NTPCR: variants seen among roughly 807,000 people sequenced by gnomAD.
NTPCR encodes the protein cancer-related nucleoside-triphosphatase.
Under a neutral mutation model 19.5 loss-of-function variants are expected in NTPCR, and 15 were observed. The observed-to-expected ratio is 0.77, with a 90% CI of 0.51 to 1.18. The LOEUF (loss-of-function observed/expected upper bound fraction) is 1.18, where lower values mean the gene tolerates loss of function less well. Ranked by LOEUF, NTPCR falls within the 50% of genes most tolerant of loss-of-function variation. The pLI is 0.00. For synonymous variants in NTPCR, 90 were observed against 95.8 expected (o/e 0.94, Z 0.36); for missense variants, 206 against 240.4 (o/e 0.86, Z 0.95).
chr1:232,975,281 CT>C (rs1294079520), intron 4 of NTPCR, among the ~76,000 whole-genome samples: 1 of 152,184 alleles, frequency 6.6e-6, no homozygotes, highest in African/African-American at 2.4e-5. Context: ...TCAGTCTCCC[CT>C]TCCCGCTTCT....
At position 232,969,936 on chromosome 1, in the gene NTPCR, A is replaced by G. The variant is rs1390508643; in HGVS notation, c.322A>G (p.Arg108Gly). The G allele has an allele frequency of 6.2e-7, 1 of 1,614,164 alleles. No individual in the cohort carries two copies. Among genetic ancestry groups the G allele is most frequent in the Admixed American group, 1.7e-5 (1 of 60,030 alleles). Residue 108 changes from arginine to glycine, a missense_variant, in exon 4 of 5, where the codon AGA (arginine) becomes GGA (glycine). Transcript: ENST00000366628. ...NADCSSGPGQ[R>G]VCVIDEIGKM... ...CGACTGCAGCAGTGGCCCAGGGCAA[A>G]GAGTGTGCGTCATCGATGAGATTGG...
chr1:232,964,164 CCA>C (rs1408250488), intron 3 of NTPCR: 1 of 152,164 alleles, frequency 6.6e-6, no homozygotes, highest in Non-Finnish European at 1.5e-5. Flanking sequence ...TGGAACATTT[CCA>C]CAGTCATTCT....
At chr1:232,973,459 A>G (rs1191788095) in intron 4 of NTPCR, among the ~76,000 whole-genome samples, 1 of 152,226 alleles carries the variant, frequency 6.6e-6, no homozygotes, top group Non-Finnish European at 1.5e-5. Context: ...AGTGAAGAGA[A>G]AAAGACAGAC....
intron 2 of NTPCR, among the ~76,000 whole-genome samples, chr1:232,955,981 G>A (rs556562664): frequency 1.2e-4 from 18 of 152,214 alleles, no homozygotes; most frequent in African/African-American, 4.3e-4. Context: ...CATGAAAAAA[G>A]TATAAGAAAG....
chr1:232,955,529 T>C, intron 1 of NTPCR, 28 bp from the exon 2 acceptor site: 1 of 1,455,956 alleles, frequency 6.9e-7, no homozygotes, highest in Non-Finnish European at 9.1e-7. Context: ...GGGCTTTTCT[T>C]CTTTTTTTTT....
At chr1:232,955,809 C>T in intron 2 of NTPCR, 90 bp downstream of exon 2, 1 of 1,286,190 alleles carries the variant, frequency 7.8e-7, no homozygotes, top group East Asian at 2.3e-5. Flanking sequence ...CTAAATTCAC[C>T]AAAAGCAGAT....
In NTPCR at chr1:232,967,082, C is replaced by T. The variant is rs771830385; in HGVS notation, c.295-2827C>T. 2.0e-5 allele frequency: 3 copies of T among 152,334 alleles called. No individual in the cohort carries two copies. The East Asian group carries it at 5.8e-4, about 29-fold the overall frequency. The allele number at this position is 152,334 out of a possible 1,614,324, so 9.4% of individuals were successfully genotyped here. On this transcript the variant is annotated intron_variant, in intron 3 of 4. Transcript: ENST00000366628. ...GAGGGGTTCCTGACCATCTTCAAAC[C>T]TGGGCCCCTATTGTTCTAAGTCTGT...
chr1:232,968,758 G>A (rs1048733407), intron 3 of NTPCR: 1 of 152,176 alleles, frequency 6.6e-6, no homozygotes, highest in Non-Finnish European at 1.5e-5. Context: ...AATCAGAACT[G>A]TAGTGAAGAA....
rs973822258 is a variant in NTPCR, at chr1:232,978,317, A to G, written c.*86A>G. On this transcript the variant is annotated 3_prime_UTR_variant, in exon 5 of 5. Transcript: ENST00000366628. ...CCCTGCCTGTCGAGGCTGTATGCCTATGGGGTTATGGAACCTTGTGGGCTT... is the reference window on the plus strand; with the variant it reads ...CCCTGCCTGTCGAGGCTGTATGCCTGTGGGGTTATGGAACCTTGTGGGCTT... 10 of 1,082,650 alleles carry G rather than the reference A, an allele frequency of 9.2e-6. No individual in the cohort carries two copies. In the South Asian group the frequency reaches 1.2e-4, roughly 13 times the overall value. The allele number at this position is 1,082,650 out of a possible 1,614,324, so 67.1% of individuals were successfully genotyped here. A position where few individuals can be genotyped will look rare whatever the true frequency, so the allele number is the denominator to read the frequency against.
chr1:232,977,848 C>G (rs899177892), intron 4 of NTPCR, among the ~76,000 whole-genome samples: 5 of 152,180 alleles, frequency 3.3e-5, no homozygotes, highest in African/African-American at 1.2e-4. Context: ...CTCAGGGGTC[C>G]TGTGTGCCCA....
In NTPCR at chr1:232,980,820, G is replaced by C. The variant is rs1669264778; in HGVS notation, c.*2589G>C. 1 of 152,234 alleles carries C rather than the reference G, an allele frequency of 6.6e-6. No individual in the cohort carries two copies. The highest frequency in any genetic ancestry group is 1.5e-5 in the Non-Finnish European group (1 of 68,082). 9.4% of individuals were successfully genotyped at this position (152,234 alleles called of 1,614,324 possible). A position where few individuals can be genotyped will look rare whatever the true frequency, so the allele number is the denominator to read the frequency against. On this transcript the variant is annotated 3_prime_UTR_variant, in exon 5 of 5. Transcript: ENST00000366628. Reference sequence around the variant, plus strand: ...CAGAGCTGAGCGCCACCTCCCTGTCGGTGCCACGGCTGAGGTGAGGAGCTC... The same window carrying C: ...CAGAGCTGAGCGCCACCTCCCTGTCCGTGCCACGGCTGAGGTGAGGAGCTC...
At chr1:232,972,598 G>A (rs1381897512) in intron 4 of NTPCR, among the ~76,000 whole-genome samples, 1 of 152,010 alleles carries the variant, frequency 6.6e-6, no homozygotes, top group Non-Finnish European at 1.5e-5. Flanking sequence ...ACTCATTTGT[G>A]CATTTTTTGT....
At chr1:232,972,692 G>C (rs1287580493) in intron 4 of NTPCR, among the ~76,000 whole-genome samples, 1 of 152,100 alleles carries the variant, frequency 6.6e-6, no homozygotes, top group African/African-American at 2.4e-5. Context: ...CTCTCAAAGT[G>C]TTGGAATTAT....
At chr1:232,963,307 A>C (rs1668717954) in intron 3 of NTPCR, 1 of 152,172 alleles carries the variant, frequency 6.6e-6, no homozygotes, top group East Asian at 1.9e-4. Context: ...AATCTTCATA[A>C]TTTCTATTGA....
intron 3 of NTPCR, chr1:232,964,953 T>C (rs1668772361): frequency 6.6e-6 from 1 of 152,220 alleles, no homozygotes; most frequent in South Asian, 2.1e-4. Flanking sequence ...TACCTGGTCA[T>C]AACTCTTCCA....
chr1:232,952,763 T>C (rs1668407069), intron 1 of NTPCR, among the ~76,000 whole-genome samples: 1 of 152,172 alleles, frequency 6.6e-6, no homozygotes, highest in Admixed American at 6.5e-5. Context: ...CTTTCTGTTT[T>C]CTCAATATGT....
intron 1 of NTPCR, among the ~76,000 whole-genome samples, chr1:232,955,082 G>A (rs1668474734): frequency 6.6e-6 from 1 of 152,156 alleles, no homozygotes; most frequent in Admixed American, 6.5e-5. Flanking sequence ...GTCAAAGGAG[G>A]AACAAAGTGA....
intron 4 of NTPCR, among the ~76,000 whole-genome samples, chr1:232,974,506 A>G (rs905218493): frequency 6.6e-6 from 1 of 152,236 alleles, no homozygotes; most frequent in South Asian, 2.1e-4. Flanking sequence ...AGGCAAAACG[A>G]TAACATTCTC....
chr1:232,957,814 G>T (rs746128072), intron 3 of NTPCR, among the ~76,000 whole-genome samples: 2 of 152,144 alleles, frequency 1.3e-5, no homozygotes, highest in Non-Finnish European at 2.9e-5. Flanking sequence ...AAAGAACAGG[G>T]TGCTATGAAA....
Sources: allele counts gnomAD v4.1 joint callset (sites outside exome capture counted in the v4.1 genomes callset), GRCh38; gene constraint gnomAD v4.1.1; transcripts MANE v1.5; gene names NCBI Gene and HGNC (gene_info 2026-07-23, HGNC 2026-07-21).